Variants in ZPR1 observed in about 807,000 individuals in gnomAD.
ZPR1 encodes zinc finger protein ZPR1.
A neutral mutation model predicts 59.6 loss-of-function variants in ZPR1; 37 were observed. The observed-to-expected ratio is 0.62, with a 90% CI of 0.48 to 0.82. The LOEUF (loss-of-function observed/expected upper bound fraction) is 0.82, where lower values mean the gene tolerates loss of function less well. Ranked by LOEUF, ZPR1 falls within the 40% of genes least tolerant of loss-of-function variation. The pLI, the probability that ZPR1 is intolerant of heterozygous loss-of-function variation, is 0.00. For synonymous variants in ZPR1, 191 were observed against 215.2 expected (o/e 0.89, Z 0.99); for missense variants, 527 against 579.9 (o/e 0.91, Z 0.94).
rs761559311 is a variant in ZPR1, at chr11:116,787,934, C to A, written c.57G>T (p.Ser19=). ...PGPPGAAVAP[S]PAPAPPPAPD... ...GGGCAGGCGGCGGGGCCGGGGCGGGCGACGGGGCGACGGCAGCCCCCGGGG... is the reference window on the plus strand; with the variant it reads ...GGGCAGGCGGCGGGGCCGGGGCGGGAGACGGGGCGACGGCAGCCCCCGGGG... The change falls in exon 1 of 14, where the codon TCG becomes TCT. Residue 19 remains serine (S), a synonymous_variant. Coordinates refer to ENST00000227322, the MANE Select transcript of ZPR1 (RefSeq NM_003904.5). 1.5e-5 allele frequency: 22 copies of A among 1,476,292 alleles called. No homozygotes were observed. Among genetic ancestry groups the A allele is most frequent in the Admixed American group, 2.5e-5 (1 of 39,844 alleles). 91.4% of individuals were successfully genotyped at this position (1,476,292 alleles called of 1,614,324 possible).
At chr11:116,786,471 T>A (rs781713993) in intron 4 of ZPR1, 40 bp downstream of exon 4, 2 of 1,613,000 alleles carry the variant, frequency 1.2e-6, no homozygotes, top group Non-Finnish European at 1.7e-6. Context: ...ATATAAGCAA[T>A]TATTCCTTGA....
rs1414258723 is a variant in ZPR1, at chr11:116,774,114, A to G, written c.*4811T>C. The G allele has an allele frequency of 1.3e-5, 2 of 152,208 alleles. No homozygotes were observed. The highest frequency in any genetic ancestry group is 2.9e-5 in the Non-Finnish European group (2 of 68,036). 9.4% of individuals were successfully genotyped at this position (152,208 alleles called of 1,614,324 possible). A position where few individuals can be genotyped will look rare whatever the true frequency, so the allele number is the denominator to read the frequency against. On this transcript the variant is annotated 3_prime_UTR_variant, in exon 14 of 14. Transcript: ENST00000227322. ...GCTTTATTATTTGACAAAAAATTAT[A>G]TATATTCAAGGTGTACAATGTGATG...
At position 116,775,038 on chromosome 11, in the gene ZPR1, C is replaced by A. The variant is rs1218075449; in HGVS notation, c.*3887G>T. On this transcript the variant is annotated 3_prime_UTR_variant, in exon 14 of 14. Transcript: ENST00000227322. Reference sequence around the variant, plus strand: ...TCAGATGCCGTGCCAATGGCCTGCTCTGAGCTTTGGCCTCTCTCTGCAGTT... The same window carrying A: ...TCAGATGCCGTGCCAATGGCCTGCTATGAGCTTTGGCCTCTCTCTGCAGTT... The A allele has an allele frequency of 1.3e-5, 2 of 152,322 alleles. No homozygotes were observed. Among genetic ancestry groups the A allele is most frequent in the Non-Finnish European group, 2.9e-5 (2 of 68,094 alleles). The allele number at this position is 152,322 out of a possible 1,614,324, so 9.4% of individuals were successfully genotyped here.
rs1489325634 is a variant in ZPR1 at position 116,785,885 on chromosome 11, G to A, written c.496-3C>T. 1.2e-6 allele frequency: 2 copies of A among 1,613,670 alleles called. No individual in the cohort carries two copies. The highest frequency in any genetic ancestry group is 2.2e-5 in the South Asian group (2 of 91,060). ...TCAGCTGTAGCATCTTTGTTTGCCT[G>A]CCATGAACAGAGAGTAAAGCATCAG... On this transcript the variant is annotated splice_region_variant and splice_polypyrimidine_tract_variant and intron_variant, in intron 4 of 13. Coordinates refer to ENST00000227322, the MANE Select transcript of ZPR1 (RefSeq NM_003904.5).
intron 13 of ZPR1, among the ~76,000 whole-genome samples, 178 bp from the exon 14 acceptor site, chr11:116,779,237 G>C (rs1270261961): frequency 6.6e-6 from 1 of 152,184 alleles, no homozygotes; most frequent in Non-Finnish European, 1.5e-5. Context: ...ACATGGGCCA[G>C]GGGTAGAAGA....
rs755541428 is a variant in ZPR1, at chr11:116,782,179, C to T, written c.1158G>A (p.Glu386=). ...TTACCTGGTCCATCTTCTGGCTAAACTCCTGTAGTCTCTCCGTCTGTCCAG... is the reference window on the plus strand; with the variant it reads ...TTACCTGGTCCATCTTCTGGCTAAATTCCTGTAGTCTCTCCGTCTGTCCAG... The part of the protein sequence containing the change: ...SNPGQTERLQ[E]FSQKMDQIIE... Residue 386 remains glutamate (E), a synonymous_variant, in exon 12 of 14, where the codon GAG becomes GAA. Coordinates refer to ENST00000227322, the MANE Select transcript of ZPR1 (RefSeq NM_003904.5). 2 of 1,614,164 alleles carry T rather than the reference C, an allele frequency of 1.2e-6. No homozygotes were observed. The highest frequency in any genetic ancestry group is 1.7e-6 in the Non-Finnish European group (2 of 1,180,000).
rs548210958 is a variant in ZPR1, at chr11:116,778,920, C to T, written c.*5G>A. ...GCTGGAGGCTGGCCCTTGAGCCACC[C>T]ACTGCTACCGTTGCGGAGCCAGGCC... On this transcript the variant is annotated 3_prime_UTR_variant, in exon 14 of 14. Transcript: ENST00000227322. 6.2e-7 allele frequency: 1 copy of T among 1,613,376 alleles called. No homozygotes were observed. The highest frequency in any genetic ancestry group is 8.5e-7 in the Non-Finnish European group (1 of 1,179,950).
At chr11:116,787,692 TC>T in intron 1 of ZPR1, 49 bp from the exon 2 acceptor site, 1 of 1,583,554 alleles carries the variant, frequency 6.3e-7, no homozygotes. Context: ...AAACTCCCTT[TC>T]CCCGCCCTAC....
At chr11:116,781,582 T>G (rs976091976) in intron 12 of ZPR1, among the ~76,000 whole-genome samples, 17 of 152,238 alleles carry the variant, frequency 1.1e-4, no homozygotes, top group Non-Finnish European at 2.5e-4. Flanking sequence ...TCTAGTGTGA[T>G]AACAGAATAA....
intron 6 of ZPR1, 21 bp from the exon 7 acceptor site, chr11:116,785,167 G>A: frequency 6.2e-7 from 1 of 1,613,584 alleles, no homozygotes; most frequent in Non-Finnish European, 8.5e-7. Flanking sequence ...AAAGATGCAG[G>A]TCGCAAGTTG....
rs1468876315 is a variant in ZPR1, at chr11:116,778,946, T to C, written c.1359A>G (p.Ala453=). Residue 453 remains alanine, a synonymous_variant, in exon 14 of 14, where the codon GCA becomes GCG. Coordinates refer to ENST00000227322, the MANE Select transcript of ZPR1 (RefSeq NM_003904.5). Reference sequence around the variant, plus strand: ...ACTGCTACCGTTGCGGAGCCAGGCCTGCCTCATAGCCCTCTGTCTTCATGT... The same window carrying C: ...ACTGCTACCGTTGCGGAGCCAGGCCCGCCTCATAGCCCTCTGTCTTCATGT... ...LNDMKTEGYE[A]GLAPQR 1.2e-6 allele frequency: 2 copies of C among 1,614,148 alleles called. No individual in the cohort carries two copies. The highest frequency in any genetic ancestry group is 4.5e-5 in the East Asian group (2 of 44,884).
At chr11:116,783,366 T>C (rs1456727096) in intron 10 of ZPR1, among the ~76,000 whole-genome samples, 164 bp downstream of exon 10, 1 of 152,188 alleles carries the variant, frequency 6.6e-6, no homozygotes, top group Non-Finnish European at 1.5e-5. Flanking sequence ...AAACCTGCAA[T>C]TCCAATCTTA....
In ZPR1 at chr11:116,787,960, G is replaced by A. The variant is rs1379718046; in HGVS notation, c.31C>T (p.Pro11Ser). The A allele has an allele frequency of 4.8e-6, 7 of 1,453,166 alleles. No homozygotes were observed. The highest frequency in any genetic ancestry group is 2.8e-5 in the South Asian group (2 of 71,730). The allele number at this position is 1,453,166 out of a possible 1,614,324, so 90.0% of individuals were successfully genotyped here. A position where few individuals can be genotyped will look rare whatever the true frequency, so the allele number is the denominator to read the frequency against. ...GACGGGGCGACGGCAGCCCCCGGGG[G>A]CCCTGGTTCCACAGCCCCGCTGGCC... MAASGAVEPGPPGAAVAPSPA... is the reference protein window; with the variant it reads MAASGAVEPGSPGAAVAPSPA... The change falls in exon 1 of 14, where the codon CCC becomes TCC. Residue 11 changes from proline to serine, a missense_variant. Physicochemically the swap from Pro to Ser is moderately conservative, Grantham distance 74. Transcript: ENST00000227322.
chr11:116,779,199 A>T (rs1940766713), intron 13 of ZPR1, 140 bp from the exon 14 acceptor site: 1 of 1,207,874 alleles, frequency 8.3e-7, no homozygotes, highest in Non-Finnish European at 1.1e-6. Flanking sequence ...CCATGGCTAG[A>T]CTGAACTAGT....
intron 6 of ZPR1, 120 bp downstream of exon 6, chr11:116,785,394 A>C: frequency 2.1e-6 from 3 of 1,444,042 alleles, no homozygotes; most frequent in Non-Finnish European, 2.8e-6. Flanking sequence ...GATGAGAAGC[A>C]CAAACAAGCT....
chr11:116,782,840 G>A, intron 11 of ZPR1, 79 bp downstream of exon 11: 2 of 1,134,808 alleles, frequency 1.8e-6, no homozygotes, highest in South Asian at 1.3e-5. Flanking sequence ...CCGAAAATTA[G>A]GATGTCTGAA....
Position 116,777,810 on chromosome 11 carries a change from T to A in ZPR1, c.*1115A>T, listed in dbSNP as rs1333908215. On this transcript the variant is annotated 3_prime_UTR_variant, in exon 14 of 14. Transcript: ENST00000227322. ...GTTTATGAGAGGCAGGAGACTACAGTGCAAAGAACACTGGCTGGGAAGTCC... is the reference window on the plus strand; with the variant it reads ...GTTTATGAGAGGCAGGAGACTACAGAGCAAAGAACACTGGCTGGGAAGTCC... 1 of 152,146 alleles carries A rather than the reference T, an allele frequency of 6.6e-6. No individual in the cohort carries two copies. Among genetic ancestry groups the A allele is most frequent in the Admixed American group, 6.5e-5 (1 of 15,272 alleles). The allele number at this position is 152,146 out of a possible 1,614,324, so 9.4% of individuals were successfully genotyped here. A position where few individuals can be genotyped will look rare whatever the true frequency, so the allele number is the denominator to read the frequency against.
intron 11 of ZPR1, 104 bp downstream of exon 11, chr11:116,782,815 C>T (rs941709440): frequency 3.5e-6 from 3 of 864,088 alleles, no homozygotes; most frequent in African/African-American, 3.3e-5. Flanking sequence ...GCAAAGAAAC[C>T]CACAGTTACC....
chr11:116,785,935 G>A, intron 4 of ZPR1, 53 bp from the exon 5 acceptor site: 1 of 1,504,252 alleles, frequency 6.6e-7, no homozygotes, highest in South Asian at 1.1e-5. Context: ...CTTATGCCCT[G>A]CCCCTTGTCA....
Sources: allele counts gnomAD v4.1 joint callset (sites outside exome capture counted in the v4.1 genomes callset), GRCh38; gene constraint gnomAD v4.1.1; transcripts MANE v1.5; gene names NCBI Gene and HGNC (gene_info 2026-07-23, HGNC 2026-07-21).